The following STK11 variants were observed in gnomAD, a reference collection of about 807,000 sequenced individuals.
The protein encoded by STK11 is serine/threonine-protein kinase STK11.
STK11 carries 8 observed loss-of-function variants against 47.3 expected under a neutral mutation model. The ratio of observed to expected loss-of-function variants is 0.17; its 90% CI spans 0.10 to 0.31. The LOEUF (loss-of-function observed/expected upper bound fraction) is 0.31, where lower values mean the gene tolerates loss of function less well. Ranked by LOEUF, STK11 falls within the 10% of genes least tolerant of loss-of-function variation. The pLI is 1.00. For missense variants in STK11, 475 were observed against 605.0 expected, an observed-to-expected ratio of 0.79 and a Z score of 2.25; for synonymous variants, 330 against 255.8, an observed-to-expected ratio of 1.29 and a Z score of -2.77.
intron 1 of STK11, among the ~76,000 whole-genome samples, chr19:1,216,001 G>T (rs1010998817): frequency 6.6e-6 from 1 of 151,790 alleles, no homozygotes; most frequent in Non-Finnish European, 1.5e-5. Flanking sequence ...CCATAGTGTC[G>T]GGATTACAGG....
At chr19:1,219,495 C>A in intron 3 of STK11, 82 bp downstream of exon 3, 1 of 1,411,736 alleles carries the variant, frequency 7.1e-7, no homozygotes, top group Non-Finnish European at 9.6e-7. Context: ...GGCCACACTG[C>A]TTGTCCTGAT....
intron 1 of STK11, among the ~76,000 whole-genome samples, chr19:1,208,898 G>A (rs895057382): frequency 4.0e-5 from 6 of 151,682 alleles, no homozygotes; most frequent in African/African-American, 1.2e-4. Flanking sequence ...TGGGATTAAA[G>A]GCGTGAGCCA....
At chr19:1,218,338 T>TG in intron 1 of STK11, 79 bp from the exon 2 acceptor site, 1 of 1,170,338 alleles carries the variant, frequency 8.5e-7, no homozygotes, top group Non-Finnish European at 1.3e-6. Context: ...CACAGGGAGA[T>TG]GGGGAGGCCG....
At chr19:1,214,382 C>G (rs1272197774) in intron 1 of STK11, among the ~76,000 whole-genome samples, 1 of 152,220 alleles carries the variant, frequency 6.6e-6, no homozygotes, top group Non-Finnish European at 1.5e-5. Flanking sequence ...CTATGCTGAC[C>G]TGCTCAGGAG....
intron 1 of STK11, among the ~76,000 whole-genome samples, chr19:1,217,636 T>G (rs900095199): frequency 6.6e-6 from 1 of 152,114 alleles, no homozygotes; most frequent in South Asian, 2.1e-4. Flanking sequence ...CAATGTCTCT[T>G]TCTGTGGCGT....
At chr19:1,213,607 C>G (rs916510575) in intron 1 of STK11, among the ~76,000 whole-genome samples, 1 of 152,248 alleles carries the variant, frequency 6.6e-6, no homozygotes, top group Non-Finnish European at 1.5e-5. Flanking sequence ...CCGAACCTCT[C>G]TGCTGTTCAC....
At chr19:1,221,127 CCT>C (rs751154109) in intron 5 of STK11, 84 bp from the exon 6 acceptor site, 37 of 1,569,940 alleles carry the variant, frequency 2.4e-5, no homozygotes, top group Non-Finnish European at 2.8e-5. Flanking sequence ...CCACGGGACG[CCT>C]CTGTCCCTGG....
chr19:1,224,346 A>T, intron 8 of STK11: 1 of 985,076 alleles, frequency 1.0e-6, no homozygotes, highest in Non-Finnish European at 1.2e-6. Context: ...GGTCTGTTGG[A>T]ACGGGAGGTG....
Position 1,219,535 on chromosome 19 carries a change from TG to T in STK11, c.464+123del. The T allele has an allele frequency of 4.1e-6, 4 of 967,860 alleles. No individual in the cohort carries two copies. In the South Asian group the frequency reaches 5.1e-5, roughly 12 times the overall value. The allele number at this position is 967,860 out of a possible 1,614,324, so 60.0% of individuals were successfully genotyped here. A position where few individuals can be genotyped will look rare whatever the true frequency, so the allele number is the denominator to read the frequency against. ...ATTGACATGAAGGCCCAAGTTTTTT[TG>T]TTTTTTTGTTTTTTTGTGTTTTTTT... On this transcript the variant is annotated intron_variant, in intron 3 of 9. Coordinates refer to ENST00000326873, the MANE Select transcript of STK11 (RefSeq NM_000455.5).
intron 3 of STK11, among the ~76,000 whole-genome samples, chr19:1,219,780 C>T (rs1278016245): frequency 2.0e-5 from 3 of 152,212 alleles, no homozygotes; most frequent in Non-Finnish European, 2.9e-5. Context: ...CTCCTGACCT[C>T]GTGATCCGCC....
intron 8 of STK11, among the ~76,000 whole-genome samples, chr19:1,223,426 G>T (rs2080799852): frequency 6.6e-6 from 1 of 152,218 alleles, no homozygotes; most frequent in African/African-American, 2.4e-5. Context: ...CGTCTCTCCG[G>T]GTGCTGCCCA....
Position 1,225,537 on chromosome 19 carries a change from G to A in STK11, c.1109-917G>A, listed in dbSNP as rs60862074. On this transcript the variant is annotated intron_variant, in intron 8 of 9. Coordinates refer to ENST00000326873, the MANE Select transcript of STK11 (RefSeq NM_000455.5). Reference sequence around the variant, plus strand: ...GCCCACCTCGGCCTCCCAAAGTGCTGGGATTACAAGCGTGAGCCACCGCGA... The same window carrying A: ...GCCCACCTCGGCCTCCCAAAGTGCTAGGATTACAAGCGTGAGCCACCGCGA... 12 of 985,382 alleles carry A rather than the reference G, an allele frequency of 1.2e-5. No homozygotes were observed. In the South Asian group the frequency reaches 4.7e-4, roughly 39 times the overall value. The allele number at this position is 985,382 out of a possible 1,614,324, so 61.0% of individuals were successfully genotyped here. A position where few individuals can be genotyped will look rare whatever the true frequency, so the allele number is the denominator to read the frequency against.
chr19:1,217,406 C>T (rs1395593873), intron 1 of STK11, among the ~76,000 whole-genome samples: 1 of 152,068 alleles, frequency 6.6e-6, no homozygotes, highest in East Asian at 1.9e-4. Context: ...CGCCGTGTTG[C>T]TCAGGCTGGT....
chr19:1,217,072 G>A (rs1034499179), intron 1 of STK11, among the ~76,000 whole-genome samples: 7 of 151,790 alleles, frequency 4.6e-5, no homozygotes, highest in South Asian at 4.2e-4. Context: ...CCGTTTCTGC[G>A]TGGCGTGTAC....
intron 1 of STK11, among the ~76,000 whole-genome samples, chr19:1,214,863 G>C (rs2080734967): frequency 6.6e-6 from 1 of 152,222 alleles, no homozygotes; most frequent in African/African-American, 2.4e-5. Flanking sequence ...GCCGGCTCCT[G>C]CTGAGGGAGG....
At chr19:1,215,327 T>C (rs1056772483) in intron 1 of STK11, among the ~76,000 whole-genome samples, 1 of 152,198 alleles carries the variant, frequency 6.6e-6, no homozygotes, top group Non-Finnish European at 1.5e-5. Context: ...AACACAGGGC[T>C]TCTCAGCGAG....
intron 8 of STK11, chr19:1,223,501 C>CGG (rs1308957083): frequency 1.1e-6 from 1 of 892,360 alleles, no homozygotes. Context: ...GCCCCAGGGT[C>CGG]GGGGGAGGGT....
At position 1,227,753 on chromosome 19, in the gene STK11, G is replaced by T; in HGVS notation, c.*177G>T. The T allele has an allele frequency of 9.3e-7, 1 of 1,073,422 alleles. No homozygotes were observed. Among genetic ancestry groups the T allele is most frequent in the Admixed American group, 5.3e-5 (1 of 18,814 alleles). 66.5% of individuals were successfully genotyped at this position (1,073,422 alleles called of 1,614,324 possible). A position where few individuals can be genotyped will look rare whatever the true frequency, so the allele number is the denominator to read the frequency against. On this transcript the variant is annotated 3_prime_UTR_variant, in exon 10 of 10. Coordinates refer to ENST00000326873, the MANE Select transcript of STK11 (RefSeq NM_000455.5). ...GCCGGGCAGGGGGACAGCAGGGACC[G>T]GGCGCAGCCCTCCCCCCTCGGCCGC...
chr19:1,210,152 G>A (rs967166701), intron 1 of STK11, among the ~76,000 whole-genome samples: 12 of 152,136 alleles, frequency 7.9e-5, no homozygotes, highest in South Asian at 2.1e-4. Context: ...TGCTGCCAGG[G>A]GGTCCTCCTA....
Sources: gnomAD v4.1 joint callset for allele counts (sites outside exome capture counted in the v4.1 genomes callset) on GRCh38, gnomAD v4.1.1 for gene constraint, MANE v1.5 for transcripts, NCBI Gene and HGNC (gene_info 2026-07-23, HGNC 2026-07-21) for gene names.